DENND2A: variants seen among roughly 807,000 people sequenced by gnomAD.
DENND2A encodes DENN domain containing 2A, also known as DENN domain-containing protein 2A.
Under a neutral mutation model 105.3 loss-of-function variants are expected in DENND2A, and 53 were observed. The observed-to-expected ratio is 0.50, with a 90% CI of 0.40 to 0.63. The LOEUF is 0.63. Among genes scored for constraint, DENND2A ranks in the 30% least tolerant of loss-of-function variants. The probability of loss-of-function intolerance (pLI) is 0.00; values close to 1 mark genes in which losing one functional copy is unlikely to be tolerated. For missense variants in DENND2A, 1,138 were observed against 1,279.6 expected (o/e 0.89, Z 1.69); for synonymous variants, 522 against 508.4 (o/e 1.03, Z -0.36).
At chr7:140,597,255 C>T (rs1302185385) in intron 3 of DENND2A, among the ~76,000 whole-genome samples, 1 of 152,222 alleles carries the variant, frequency 6.6e-6, no homozygotes, top group African/African-American at 2.4e-5. Context: ...AATACATTCT[C>T]TAAGGCACAC....
intron 1 of DENND2A, among the ~76,000 whole-genome samples, chr7:140,635,854 C>T (rs182961606): frequency 1.3e-3 from 195 of 152,242 alleles, no homozygotes; most frequent in African/African-American, 4.3e-3. Context: ...TGAGGGCTGA[C>T]GGAGTAAACT....
intron 14 of DENND2A, among the ~76,000 whole-genome samples, chr7:140,533,584 C>T (rs1402882169): frequency 6.6e-6 from 1 of 152,144 alleles, no homozygotes; most frequent in Non-Finnish European, 1.5e-5. Flanking sequence ...GGTGGAGAAA[C>T]GTGACAGAAA....
chr7:140,576,168 C>T (rs1798294174), intron 5 of DENND2A, among the ~76,000 whole-genome samples: 1 of 151,896 alleles, frequency 6.6e-6, no homozygotes, highest in African/African-American at 2.4e-5. Context: ...TTTCAATGAG[C>T]TCTACATAGA....
intron 5 of DENND2A, 25 bp from the exon 6 acceptor site, chr7:140,574,033 G>A: frequency 6.2e-7 from 1 of 1,613,794 alleles, no homozygotes; most frequent in Non-Finnish European, 8.5e-7. Flanking sequence ...GAGAAAAGAA[G>A]AGTAAATGAA....
chr7:140,531,521 G>A (rs1029536113), intron 14 of DENND2A, among the ~76,000 whole-genome samples: 8 of 152,168 alleles, frequency 5.3e-5, no homozygotes, highest in South Asian at 2.1e-4. Flanking sequence ...TGTGTGAGCC[G>A]GGTGCGGTGG....
At chr7:140,550,448 G>A (rs1262704256) in intron 12 of DENND2A, among the ~76,000 whole-genome samples, 1 of 151,900 alleles carries the variant, frequency 6.6e-6, no homozygotes, top group African/African-American at 2.4e-5. Flanking sequence ...ACCTCTGCTT[G>A]CCAGGTTCAA....
chr7:140,630,954 C>T (rs1456158965), intron 1 of DENND2A, among the ~76,000 whole-genome samples: 1 of 152,166 alleles, frequency 6.6e-6, no homozygotes, highest in Non-Finnish European at 1.5e-5. Context: ...CTTTAATGGC[C>T]AGATCTTGGC....
At chr7:140,617,848 G>A (rs968761464) in intron 1 of DENND2A, among the ~76,000 whole-genome samples, 9 of 152,182 alleles carry the variant, frequency 5.9e-5, no homozygotes, top group African/African-American at 2.2e-4. Context: ...TGACGTGCCG[G>A]ATGCCAGAGG....
intron 14 of DENND2A, among the ~76,000 whole-genome samples, chr7:140,540,083 C>T (rs1358216802): frequency 2.0e-5 from 3 of 152,296 alleles, no homozygotes; most frequent in South Asian, 2.1e-4. Flanking sequence ...TGAGTGATGG[C>T]GGAGGGATGT....
intron 14 of DENND2A, among the ~76,000 whole-genome samples, chr7:140,537,650 G>T (rs1005023484): frequency 1.3e-5 from 2 of 149,338 alleles, no homozygotes; most frequent in African/African-American, 5.1e-5. Flanking sequence ...CTATTAAGGT[G>T]TTTTTCATTT....
chr7:140,604,146 C>T (rs954900692), intron 2 of DENND2A, among the ~76,000 whole-genome samples: 1 of 152,140 alleles, frequency 6.6e-6, no homozygotes, highest in Admixed American at 6.6e-5. Context: ...TAGATCTGAC[C>T]GCATGGAAAT....
chr7:140,634,194 T>C (rs561929023), intron 1 of DENND2A, among the ~76,000 whole-genome samples: 1 of 151,732 alleles, frequency 6.6e-6, no homozygotes, highest in African/African-American at 2.4e-5. Flanking sequence ...GAGACGGGGT[T>C]TCACCGTGTT....
intron 14 of DENND2A, among the ~76,000 whole-genome samples, chr7:140,532,615 G>T (rs141638319): frequency 2.0e-5 from 3 of 152,174 alleles, no homozygotes; most frequent in Admixed American, 2.0e-4. Context: ...GAAGAGTGAG[G>T]CTAAATGAGG....
chr7:140,544,768 T>C lies in DENND2A; in HGVS notation c.2179-2A>G, dbSNP rs1206065166. ...CAGCGGGCGGCACAGTTCGATCACC[T>C]GCCAGGGAACAGGAGCAGCCATGAA... is the stretch of plus-strand genomic sequence containing the variant. On this transcript the variant is annotated splice_acceptor_variant, in intron 13 of 19. Transcript: ENST00000496613. LOFTEE classifies it high-confidence loss of function. The C allele has an allele frequency of 6.4e-7, 1 of 1,569,458 alleles. No individual in the cohort carries two copies. The highest frequency in any genetic ancestry group is 8.6e-7 in the Non-Finnish European group (1 of 1,157,032).
chr7:140,557,485 G>A (rs1462613309), intron 11 of DENND2A, among the ~76,000 whole-genome samples: 1 of 87,810 alleles, frequency 1.1e-5, no homozygotes, highest in African/African-American at 4.2e-5. Flanking sequence ...CTCAATTCCT[G>A]TTTTTTTAAT....
chr7:140,527,632 T>A lies in DENND2A; in HGVS notation c.2328-137A>T. ...GATGTGGATCCGGTGGAGCACATGA[T>A]GGTCTCAGCACAGGCCACACCAGGC... is the stretch of plus-strand genomic sequence containing the variant. On this transcript the variant is annotated intron_variant, in intron 14 of 19. Coordinates refer to ENST00000496613, the MANE Select transcript of DENND2A (RefSeq NM_015689.5). This position sits in a 1 kb window ranked among gnomAD's most constrained non-coding sequence, Gnocchi z 4.9. 1 of 938,680 alleles carries A rather than the reference T, an allele frequency of 1.1e-6. No homozygotes were observed. Among genetic ancestry groups the A allele is most frequent in the East Asian group, 2.7e-5 (1 of 37,656 alleles). The allele number at this position is 938,680 out of a possible 1,614,324, so 58.1% of individuals were successfully genotyped here. A position where few individuals can be genotyped will look rare whatever the true frequency, so the allele number is the denominator to read the frequency against.
intron 14 of DENND2A, among the ~76,000 whole-genome samples, chr7:140,541,915 G>A (rs75863541): frequency 0.033 from 4,997 of 152,308 alleles, 253 homozygotes; most frequent in African/African-American, 0.11. Flanking sequence ...GGGTGGGGCC[G>A]CTTCCCGCCC....
intron 1 of DENND2A, among the ~76,000 whole-genome samples, chr7:140,636,884 G>A (rs917501277): frequency 4.6e-5 from 7 of 151,802 alleles, no homozygotes; most frequent in African/African-American, 1.7e-4. Flanking sequence ...TTTTTGAGAT[G>A]GAGTCTTGCT....
At chr7:140,550,683 A>T (rs772643578) in intron 12 of DENND2A, among the ~76,000 whole-genome samples, 16 of 151,728 alleles carry the variant, frequency 1.1e-4, no homozygotes, top group Non-Finnish European at 2.4e-4. Flanking sequence ...GCTGGTCTTG[A>T]ACTAATGACC....
Sources: allele counts gnomAD v4.1 joint callset (sites outside exome capture counted in the v4.1 genomes callset), GRCh38; gene constraint gnomAD v4.1.1; non-coding constraint Gnocchi (gnomAD v3.1); transcripts MANE v1.5; gene names NCBI Gene and HGNC (gene_info 2026-07-23, HGNC 2026-07-21).